The following EIF4G3 variants were observed in gnomAD, a reference collection of about 807,000 sequenced individuals.
The protein encoded by EIF4G3 is eukaryotic translation initiation factor 4 gamma 3, also known as eIF-4-gamma 3.
Under a neutral mutation model 186.4 loss-of-function variants are expected in EIF4G3, and 34 were observed. The ratio of observed to expected loss-of-function variants is 0.18; its 90% CI spans 0.14 to 0.24. EIF4G3 has a LOEUF of 0.24. Ranked by LOEUF, EIF4G3 falls within the 10% of genes least tolerant of loss-of-function variation. EIF4G3 has a pLI of 1.00. For missense variants in EIF4G3, 1,536 were observed against 1,948.5 expected (o/e 0.79, Z 3.99); for synonymous variants, 673 against 679.5 (o/e 0.99, Z 0.15).
At chr1:20,825,797 A>G (rs957394588) in intron 32 of EIF4G3, among the ~76,000 whole-genome samples, 1 of 152,236 alleles carries the variant, frequency 6.6e-6, no homozygotes, top group African/African-American at 2.4e-5. Flanking sequence ...GGCTTAAAGC[A>G]GTTGTTGCTC....
chr1:20,838,703 C>T lies in EIF4G3; in HGVS notation c.4061+2153G>A, dbSNP rs373144510. On this transcript the variant is annotated intron_variant, in intron 30 of 36. Coordinates refer to ENST00000602326, the MANE Select transcript of EIF4G3 (RefSeq NM_001391906.1). The stretch of plus-strand genomic sequence containing the variant: ...AAGAAAACTTTTTTTTTTCCCCAGA[C>T]GTGGTCTCATTCTGTCACCTAGGCT... Among the ~76,000 whole-genome samples the T allele has an allele frequency of 4.1e-4, 63 of 152,060 alleles. No homozygotes were observed. In the East Asian group the frequency reaches 7.9e-3, roughly 19 times the overall value.
At chr1:21,058,306 A>T (rs1477182693) in intron 3 of EIF4G3, among the ~76,000 whole-genome samples, 1 of 152,206 alleles carries the variant, frequency 6.6e-6, no homozygotes, top group Non-Finnish European at 1.5e-5. Flanking sequence ...ACTCTCCTGT[A>T]GTCAAGTACT....
chr1:21,140,137 T>C (rs1344744962), intron 2 of EIF4G3, among the ~76,000 whole-genome samples: 1 of 152,252 alleles, frequency 6.6e-6, no homozygotes, highest in African/African-American at 2.4e-5. Flanking sequence ...ATAATGTGTC[T>C]TTCTCAGGAA....
intron 15 of EIF4G3, among the ~76,000 whole-genome samples, chr1:20,902,786 G>A (rs1028311360): frequency 3.9e-5 from 6 of 152,090 alleles, no homozygotes; most frequent in East Asian, 1.9e-4. Context: ...GATTATAGGC[G>A]CGCGCCACCA....
At chr1:20,954,908 A>G (rs547181623) in intron 12 of EIF4G3, among the ~76,000 whole-genome samples, 2 of 152,360 alleles carry the variant, frequency 1.3e-5, no homozygotes, top group African/African-American at 4.8e-5. Flanking sequence ...AGATATTCTG[A>G]GTAAGCAACA....
rs192209670 is a variant in EIF4G3 at position 21,010,006 on chromosome 1, T to A, written c.-66-7198A>T. On this transcript the variant is annotated intron_variant, in intron 4 of 36. Transcript: ENST00000602326. ...CCAATGCAAATAGAACTTTCTGGGA[T>A]AATTATAAATGTTCCATATTTACTC... is the stretch of plus-strand genomic sequence containing the variant. 3.1e-3 allele frequency among the ~76,000 whole-genome samples: 475 copies of A among 152,252 alleles called. 3 individuals carry two copies. The highest frequency in any genetic ancestry group is 0.011 in the African/African-American group (456 of 41,544).
intron 4 of EIF4G3, among the ~76,000 whole-genome samples, chr1:21,010,384 C>T (rs1468231660): frequency 3.6e-5 from 5 of 139,252 alleles, no homozygotes; most frequent in African/African-American, 1.4e-4. Flanking sequence ...AGTGCCACTG[C>T]ACTCCAGTCT....
At chr1:21,101,562 G>GAAAAAGAAAAAAAAAAA (rs769715669) in intron 2 of EIF4G3, among the ~76,000 whole-genome samples, 1 of 35,370 alleles carries the variant, frequency 2.8e-5, no homozygotes, top group Non-Finnish European at 5.3e-5. Context: ...AGGGTCTCAG[G>GAAAAAGAAAAAAAAAAA]AAAAAAAAAA....
chr1:21,169,014 C>CA (rs2097909652), intron 2 of EIF4G3, among the ~76,000 whole-genome samples: 1 of 151,854 alleles, frequency 6.6e-6, no homozygotes, highest in Admixed American at 6.6e-5. Context: ...CCCATCTCTA[C>CA]AAAAAAATTA....
rs2095748212 is a variant in EIF4G3, at chr1:20,942,308, T to C, written c.846A>G (p.Pro282=). 29 of 1,582,084 alleles carry C rather than the reference T, an allele frequency of 1.8e-5. No homozygotes were observed. Among genetic ancestry groups the C allele is most frequent in the Non-Finnish European group, 2.5e-5 (29 of 1,168,290 alleles). The change falls in exon 14 of 37, where the codon CCA becomes CCG. Residue 282 remains proline, a synonymous_variant. Transcript: ENST00000602326. The part of the protein sequence containing the change: ...QKQEEKPKPD[P]VLKSPSPVLR... ...GGACTGGGGAAGGAGACTTTAACACTGGATCTGGTTTTGGCTTCTCCTCTG... is the reference window on the plus strand; with the variant it reads ...GGACTGGGGAAGGAGACTTTAACACCGGATCTGGTTTTGGCTTCTCCTCTG...
chr1:20,970,828 G>A (rs1437615920), intron 11 of EIF4G3, among the ~76,000 whole-genome samples: 1 of 152,032 alleles, frequency 6.6e-6, no homozygotes, highest in East Asian at 1.9e-4. Flanking sequence ...GCTGGGTGCG[G>A]TGGCAGGCGC....
At chr1:21,111,296 C>A (rs1352515930) in intron 2 of EIF4G3, 1 of 471,094 alleles carries the variant, frequency 2.1e-6, no homozygotes, top group Non-Finnish European at 4.4e-6. Flanking sequence ...AAATTTGAAT[C>A]CTAGATTCGT....
intron 4 of EIF4G3, among the ~76,000 whole-genome samples, chr1:21,005,501 A>T (rs564844368): frequency 6.6e-6 from 1 of 152,294 alleles, no homozygotes; most frequent in Non-Finnish European, 1.5e-5. Context: ...GTTCTCTCAT[A>T]GCTGTCGTAC....
In EIF4G3 at chr1:20,867,355, C is replaced by T. The variant is rs558294581; in HGVS notation, c.2623-2093G>A. 2.1e-4 allele frequency among the ~76,000 whole-genome samples: 32 copies of T among 152,246 alleles called. No individual in the cohort carries two copies. The South Asian group carries it at 5.6e-3, about 27-fold the overall frequency. Reference sequence around the variant, plus strand: ...ATTTGAGCAAGTTACCTCACTGAACCTCAGCCCCTACACCTGCAGAATGAG... The same window carrying T: ...ATTTGAGCAAGTTACCTCACTGAACTTCAGCCCCTACACCTGCAGAATGAG... On this transcript the variant is annotated intron_variant, in intron 20 of 36. Coordinates refer to ENST00000602326, the MANE Select transcript of EIF4G3 (RefSeq NM_001391906.1).
chr1:21,007,491 A>T (rs1317508571), intron 4 of EIF4G3, among the ~76,000 whole-genome samples: 1 of 135,550 alleles, frequency 7.4e-6, no homozygotes, highest in African/African-American at 2.6e-5. Context: ...CACTATGTGA[A>T]TATATTCACA....
intron 16 of EIF4G3, among the ~76,000 whole-genome samples, chr1:20,896,721 A>C (rs997170609): frequency 1.3e-5 from 2 of 152,162 alleles, no homozygotes; most frequent in African/African-American, 4.8e-5. Context: ...GAACAACTTC[A>C]AGTCCTGCAG....
intron 30 of EIF4G3, among the ~76,000 whole-genome samples, chr1:20,831,548 T>C (rs924720879): frequency 6.6e-6 from 1 of 151,838 alleles, no homozygotes; most frequent in East Asian, 1.9e-4. Context: ...TTCTTTTTTT[T>C]TTTTTATGTT....
At chr1:21,137,822 A>AC (rs2097272843) in intron 2 of EIF4G3, among the ~76,000 whole-genome samples, 1 of 151,864 alleles carries the variant, frequency 6.6e-6, no homozygotes, top group Admixed American at 6.6e-5. Flanking sequence ...TCTCAAAAAA[A>AC]AAAAAAAAAA....
chr1:20,998,721 A>T, intron 6 of EIF4G3: 1 of 234,318 alleles, frequency 4.3e-6, no homozygotes, highest in South Asian at 4.6e-5. Flanking sequence ...TGTAATATTA[A>T]CCGGGGTATG....
Sources: gnomAD v4.1 joint callset for allele counts (sites outside exome capture counted in the v4.1 genomes callset) on GRCh38, gnomAD v4.1.1 for gene constraint, MANE v1.5 for transcripts, NCBI Gene and HGNC (gene_info 2026-07-23, HGNC 2026-07-21) for gene names.